GATAD2A: variants seen among roughly 807,000 people sequenced by gnomAD.
GATAD2A encodes GATA zinc finger domain containing 2A.
In GATAD2A, 12 loss-of-function variants were observed where a neutral mutation model predicts 68.5. That is an observed-to-expected ratio of 0.18 (90% CI 0.11 to 0.28). The LOEUF (loss-of-function observed/expected upper bound fraction) is 0.28, where lower values mean the gene tolerates loss of function less well. Among genes scored for constraint, GATAD2A ranks in the 10% least tolerant of loss-of-function variants. The probability of loss-of-function intolerance (pLI) is 1.00; values close to 1 mark genes in which losing one functional copy is unlikely to be tolerated. For missense variants in GATAD2A, 755 were observed against 868.5 expected, an observed-to-expected ratio of 0.87 and a Z score of 1.64; for synonymous variants, 410 against 375.3, an observed-to-expected ratio of 1.09 and a Z score of -1.07.
chr19:19,388,092 T>TGC (rs1347278627), intron 1 of GATAD2A, among the ~76,000 whole-genome samples: 12 of 151,512 alleles, frequency 7.9e-5, no homozygotes, highest in Admixed American at 7.9e-4. Context: ...GTTTCGCTCT[T>TGC]GTTGCCTAGG....
intron 7 of GATAD2A, 33 bp from the exon 8 acceptor site, chr19:19,498,410 G>C: frequency 6.3e-7 from 1 of 1,582,380 alleles, no homozygotes; most frequent in Non-Finnish European, 8.6e-7. Flanking sequence ...GCAGGCGCAC[G>C]GAGCGCCCTG....
chr19:19,416,404 C>T (rs2147193513), intron 1 of GATAD2A, among the ~76,000 whole-genome samples: 1 of 152,298 alleles, frequency 6.6e-6, no homozygotes, highest in East Asian at 1.9e-4. Context: ...GATCTTGGCT[C>T]AAGACTGGAC....
At chr19:19,394,439 T>C (rs2049070272) in intron 1 of GATAD2A, among the ~76,000 whole-genome samples, 1 of 151,558 alleles carries the variant, frequency 6.6e-6, no homozygotes, top group African/African-American at 2.4e-5. Context: ...CTGCCCGGGC[T>C]TTCCTCTTTT....
intron 2 of GATAD2A, among the ~76,000 whole-genome samples, chr19:19,472,249 T>A (rs1165356194): frequency 6.6e-6 from 1 of 152,172 alleles, no homozygotes; most frequent in Non-Finnish European, 1.5e-5. Context: ...TGCACTTTCC[T>A]GTAGGGGAGA....
rs903144753 is a variant in GATAD2A at position 19,505,582 on chromosome 19, G to A, written c.*108G>A. On this transcript the variant is annotated 3_prime_UTR_variant, in exon 12 of 12. Coordinates refer to ENST00000683918, the MANE Select transcript of GATAD2A (RefSeq NM_001384528.1). ...GCTGGCTCGGGAAGACACCGTGCCCGCCCCAAGAGCAAGCACCGGCCATGC... is the reference window on the plus strand; with the variant it reads ...GCTGGCTCGGGAAGACACCGTGCCCACCCCAAGAGCAAGCACCGGCCATGC... 19 of 989,844 alleles carry A rather than the reference G, an allele frequency of 1.9e-5. No individual in the cohort carries two copies. The highest frequency in any genetic ancestry group is 5.1e-5 in the African/African-American group (3 of 59,218). The allele number at this position is 989,844 out of a possible 1,614,324, so 61.3% of individuals were successfully genotyped here. A position where few individuals can be genotyped will look rare whatever the true frequency, so the allele number is the denominator to read the frequency against.
intron 1 of GATAD2A, among the ~76,000 whole-genome samples, chr19:19,394,645 C>T (rs1289895251): frequency 6.6e-6 from 1 of 152,082 alleles, no homozygotes; most frequent in East Asian, 1.9e-4. Context: ...CGGGGTTTCA[C>T]TGTGTTGCCC....
At chr19:19,497,375 C>T (rs571859560) in intron 7 of GATAD2A, among the ~76,000 whole-genome samples, 5 of 152,372 alleles carry the variant, frequency 3.3e-5, no homozygotes, top group South Asian at 2.1e-4. Flanking sequence ...GGATTACAGG[C>T]GTGAGCCACC....
chr19:19,441,721 C>T (rs570327131), intron 1 of GATAD2A: 71 of 171,170 alleles, frequency 4.1e-4, no homozygotes, highest in African/African-American at 1.3e-3. Flanking sequence ...CCTGCCACAA[C>T]GCCCGGCTAA....
chr19:19,470,370 G>C (rs1600217512), intron 2 of GATAD2A, among the ~76,000 whole-genome samples: 1 of 151,968 alleles, frequency 6.6e-6, no homozygotes, highest in South Asian at 2.1e-4. Flanking sequence ...TCCTGACCTC[G>C]TGATCCGCCC....
chr19:19,501,195 C>T lies in GATAD2A; in HGVS notation c.1282C>T (p.Arg428Cys), dbSNP rs778836788. The T allele has an allele frequency of 1.4e-5, 22 of 1,613,424 alleles. No homozygotes were observed. The highest frequency in any genetic ancestry group is 1.7e-5 in the Admixed American group (1 of 60,010). Residue 428 changes from arginine to cysteine, a missense_variant, in exon 9 of 12, where the codon CGC (arginine) becomes TGC (cysteine). By Grantham distance (180) the Arg-to-Cys change is radical. Transcript: ENST00000683918. ...CAQCKTDFTCRWREEKSGAIM... is the reference protein window; with the variant it reads ...CAQCKTDFTCCWREEKSGAIM... ...ACAGTGCAAGACGGACTTCACGTGC[C>T]GCTGGCGGGAGGAGAAGAGCGGCGC... is the stretch of plus-strand genomic sequence containing the variant.
At chr19:19,499,018 C>T (rs1462820967) in intron 8 of GATAD2A, among the ~76,000 whole-genome samples, 1 of 152,160 alleles carries the variant, frequency 6.6e-6, no homozygotes, top group Non-Finnish European at 1.5e-5. Flanking sequence ...CTGTGGGAGG[C>T]TGACAGGGTT....
intron 2 of GATAD2A, among the ~76,000 whole-genome samples, chr19:19,485,456 G>T (rs749410133): frequency 2.0e-5 from 3 of 152,168 alleles, no homozygotes; most frequent in African/African-American, 7.2e-5. Context: ...AAACAGCTGG[G>T]ACTGGCTGGA....
At position 19,465,387 on chromosome 19, in the gene GATAD2A, G is replaced by C. The variant is rs916617208; in HGVS notation, c.42G>C (p.Ala14=). Residue 14 remains alanine (A), a synonymous_variant, in exon 2 of 12, where the codon GCG becomes GCC. Transcript: ENST00000683918. The part of the protein sequence containing the change: ...EACRTRSQKR[A]LERDPTEDDV... ...GCCGAACACGGAGTCAGAAACGAGC[G>C]CTTGAACGGGACCCAACAGAGGACG... 3.7e-6 allele frequency: 6 copies of C among 1,613,834 alleles called. No homozygotes were observed. The highest frequency in any genetic ancestry group is 5.1e-6 in the Non-Finnish European group (6 of 1,179,836).
At chr19:19,412,116 C>T (rs1410152875) in intron 1 of GATAD2A, among the ~76,000 whole-genome samples, 4 of 151,196 alleles carry the variant, frequency 2.6e-5, no homozygotes, top group African/African-American at 9.7e-5. Context: ...TGTCTCAGGC[C>T]GCTTTTTTTT....
At chr19:19,440,957 T>TTCC (rs2054974902) in intron 1 of GATAD2A, among the ~76,000 whole-genome samples, 1 of 79,858 alleles carries the variant, frequency 1.3e-5, no homozygotes, top group Non-Finnish European at 2.5e-5. Flanking sequence ...TCCTTCCTTT[T>TTCC]CTTCCTTCCC....
At chr19:19,423,933 T>A (rs1005683557) in intron 1 of GATAD2A, among the ~76,000 whole-genome samples, 9 of 152,196 alleles carry the variant, frequency 5.9e-5, no homozygotes, top group African/African-American at 2.2e-4. Flanking sequence ...TATGTTCTTT[T>A]CTTTTAAGAA....
intron 2 of GATAD2A, among the ~76,000 whole-genome samples, chr19:19,469,958 AAAG>A (rs2058157251): frequency 6.6e-6 from 1 of 151,520 alleles, no homozygotes; most frequent in Admixed American, 6.6e-5. Flanking sequence ...AAAAAAAAAA[AAAG>A]AAGCAAGATT....
intron 2 of GATAD2A, among the ~76,000 whole-genome samples, chr19:19,476,861 G>A (rs1281855935): frequency 6.6e-6 from 1 of 152,194 alleles, no homozygotes; most frequent in East Asian, 1.9e-4. Context: ...AGCCTACCTG[G>A]TTAGAAGAGA....
chr19:19,465,136 G>A (rs2163805), intron 1 of GATAD2A, among the ~76,000 whole-genome samples: 28,834 of 152,068 alleles, frequency 0.19, 2,922 homozygotes, highest in South Asian at 0.33. Flanking sequence ...TGGAGGCTGG[G>A]GACACCCCCC....
Sources: allele counts gnomAD v4.1 joint callset (sites outside exome capture counted in the v4.1 genomes callset), GRCh38; gene constraint gnomAD v4.1.1; transcripts MANE v1.5; gene names NCBI Gene and HGNC (gene_info 2026-07-23, HGNC 2026-07-21).